The following ACYP2 variants were observed in gnomAD, a reference collection of about 807,000 sequenced individuals.
ACYP2 encodes acylphosphatase 2.
Under a neutral mutation model 11.2 loss-of-function variants are expected in ACYP2, and 12 were observed. The ratio of observed to expected loss-of-function variants is 1.08; its 90% CI spans 0.69 to 1.74. The LOEUF (loss-of-function observed/expected upper bound fraction) is 1.74. Among genes scored for constraint, ACYP2 ranks in the 40% most tolerant of loss-of-function variants. The pLI, the probability that ACYP2 is intolerant of heterozygous loss-of-function variation, is 0.00. For synonymous variants in ACYP2, 43 were observed against 32.2 expected (o/e 1.33, Z -1.13); for missense variants, 134 against 101.9 (o/e 1.31, Z -1.35).
chr2:54,177,971 C>A (rs1241252819), intron 6 of ACYP2, among the ~76,000 whole-genome samples: 1 of 148,056 alleles, frequency 6.8e-6, no homozygotes, highest in Non-Finnish European at 1.5e-5. Context: ...GTGGCGCCAT[C>A]TCGGCTCACT....
intron 2 of ACYP2, among the ~76,000 whole-genome samples, chr2:53,980,347 T>C (rs1462355940): frequency 6.6e-6 from 1 of 151,692 alleles, no homozygotes; most frequent in Non-Finnish European, 1.5e-5. Context: ...AGTGAGACCC[T>C]GTCTCAAAAA....
At chr2:54,137,826 G>T (rs1681348641) in intron 5 of ACYP2, among the ~76,000 whole-genome samples, 1 of 152,150 alleles carries the variant, frequency 6.6e-6, no homozygotes, top group Non-Finnish European at 1.5e-5. Flanking sequence ...TCACATTGTA[G>T]TTCTGTTTTT....
chr2:54,203,074 C>G (rs1260708424), intron 6 of ACYP2, among the ~76,000 whole-genome samples: 1 of 152,080 alleles, frequency 6.6e-6, no homozygotes, highest in East Asian at 1.9e-4. Flanking sequence ...GCTATCTTAA[C>G]AGTATTAAGT....
chr2:54,165,400 A>G (rs1682906258), intron 6 of ACYP2, among the ~76,000 whole-genome samples: 2 of 152,034 alleles, frequency 1.3e-5, no homozygotes, highest in African/African-American at 4.8e-5. Context: ...TTTCAGAACA[A>G]TTGTCTTAAA....
intron 6 of ACYP2, among the ~76,000 whole-genome samples, chr2:54,157,234 A>G (rs927098685): frequency 1.3e-5 from 2 of 152,170 alleles, no homozygotes; most frequent in African/African-American, 2.4e-5. Flanking sequence ...TACATGTAAT[A>G]TAATCCCTTA....
chr2:54,084,251 A>C (rs1327953234), intron 4 of ACYP2, among the ~76,000 whole-genome samples: 3 of 152,176 alleles, frequency 2.0e-5, no homozygotes, highest in Non-Finnish European at 4.4e-5. Context: ...TGTCAGTTCA[A>C]GGATTAAATG....
At chr2:54,115,532 T>A in intron 4 of ACYP2, 83 bp from the exon 1 acceptor site, 3 of 1,495,556 alleles carry the variant, frequency 2.0e-6, no homozygotes, top group South Asian at 1.3e-5. Flanking sequence ...GGCCCCGCAG[T>A]CTCATTTGCC....
Position 54,291,820 on chromosome 2 carries a change from A to G in ACYP2, c.405-12868A>G, listed in dbSNP as rs530696214. Among the ~76,000 whole-genome samples the G allele has an allele frequency of 2.6e-5, 4 of 152,296 alleles. No homozygotes were observed. In the South Asian group the frequency reaches 8.3e-4, roughly 32 times the overall value. On this transcript the variant is annotated intron_variant, in intron 6 of 6. Transcript: ENST00000607452. ...GCAGTCAGATTCCCCTAATAGGCCT[A>G]TCAGGAAAAATTGTCCAAGGCTTGA...
intron 2 of ACYP2, among the ~76,000 whole-genome samples, chr2:54,046,191 A>G (rs1220312369): frequency 6.7e-6 from 1 of 149,006 alleles, no homozygotes; most frequent in Non-Finnish European, 1.5e-5. Context: ...AAAAAAAAAA[A>G]AGGTCCAGGC....
At chr2:54,035,199 G>A (rs908797353) in intron 2 of ACYP2, among the ~76,000 whole-genome samples, 2 of 150,904 alleles carry the variant, frequency 1.3e-5, no homozygotes, top group Admixed American at 6.6e-5. Flanking sequence ...ATGAGCAAAG[G>A]TATTCACTTC....
intron 2 of ACYP2, among the ~76,000 whole-genome samples, chr2:54,024,930 G>A (rs923610521): frequency 8.5e-5 from 13 of 152,260 alleles, no homozygotes; most frequent in African/African-American, 2.6e-4. Context: ...CAGTAGTACT[G>A]CTATACAGCA....
intron 6 of ACYP2, among the ~76,000 whole-genome samples, chr2:54,237,052 A>G (rs374978872): frequency 6.6e-6 from 1 of 152,186 alleles, no homozygotes; most frequent in Admixed American, 6.5e-5. Context: ...CAGTATGACA[A>G]CTATTTATAT....
At chr2:54,179,514 A>G (rs1272831871) in intron 6 of ACYP2, among the ~76,000 whole-genome samples, 1 of 152,188 alleles carries the variant, frequency 6.6e-6, no homozygotes, top group Non-Finnish European at 1.5e-5. Context: ...GAGCAGCCCC[A>G]AGGGCTGCTG....
intron 6 of ACYP2, among the ~76,000 whole-genome samples, chr2:54,203,542 G>A (rs1684942709): frequency 6.6e-6 from 1 of 152,114 alleles, no homozygotes; most frequent in African/African-American, 2.4e-5. Context: ...TCTTGTTATT[G>A]ATTGTAGGGG....
intron 6 of ACYP2, among the ~76,000 whole-genome samples, chr2:54,276,200 A>G (rs1688558019): frequency 6.7e-6 from 1 of 149,648 alleles, no homozygotes; most frequent in Non-Finnish European, 1.5e-5. Context: ...AGAAAAAGTA[A>G]AAGTCCTTAG....
At chr2:53,998,010 A>T (rs1185878476) in intron 2 of ACYP2, among the ~76,000 whole-genome samples, 3 of 152,180 alleles carry the variant, frequency 2.0e-5, no homozygotes, top group Non-Finnish European at 4.4e-5. Context: ...TTTGAAATGT[A>T]TAAAAAAACT....
chr2:54,017,934 A>G (rs1012370363), intron 2 of ACYP2, among the ~76,000 whole-genome samples: 11 of 152,034 alleles, frequency 7.2e-5, no homozygotes, highest in Admixed American at 2.6e-4. Context: ...TCCTGGCCTC[A>G]TGTGATCCTG....
chr2:54,197,042 T>C (rs1341065563), intron 6 of ACYP2, among the ~76,000 whole-genome samples: 1 of 152,122 alleles, frequency 6.6e-6, no homozygotes, highest in East Asian at 1.9e-4. Context: ...CTAACAAGAT[T>C]AGGTAGTATT....
chr2:54,263,236 G>A (rs1158694557), intron 6 of ACYP2, among the ~76,000 whole-genome samples: 4 of 152,196 alleles, frequency 2.6e-5, no homozygotes, highest in African/African-American at 9.7e-5. Flanking sequence ...CATGGCAAGA[G>A]GAGGAGAGAG....
Sources: allele counts gnomAD v4.1 joint callset (sites outside exome capture counted in the v4.1 genomes callset), GRCh38; gene constraint gnomAD v4.1.1; transcripts MANE v1.5; gene names NCBI Gene and HGNC (gene_info 2026-07-23, HGNC 2026-07-21).